Variants in WDR64 observed in about 807,000 individuals in gnomAD.
WDR64 encodes WD repeat-containing protein 64.
WDR64 carries 112 observed loss-of-function variants against 139.3 expected under a neutral mutation model. That is an observed-to-expected ratio of 0.80 (90% CI 0.69 to 0.94). WDR64 has a LOEUF of 0.94. Among genes scored for constraint, WDR64 ranks in the 40% least tolerant of loss-of-function variants. The probability of loss-of-function intolerance (pLI) is 0.00; values close to 1 mark genes in which losing one functional copy is unlikely to be tolerated. For missense variants in WDR64, 1,206 were observed against 1,293.1 expected (o/e 0.93, Z 1.03); for synonymous variants, 444 against 437.7 (o/e 1.01, Z -0.18).
chr1:241,800,954 C>T (rs572980336), intron 27 of WDR64, among the ~76,000 whole-genome samples, 178 bp from the exon 28 acceptor site: 4 of 152,106 alleles, frequency 2.6e-5, no homozygotes, highest in Non-Finnish European at 5.9e-5. Context: ...GGAGCCCCAC[C>T]TCCTAATTTA....
rs375429305 is a variant in WDR64, at chr1:241,763,774, CTT to C, written c.1948-2441_1948-2440del. Among the ~76,000 whole-genome samples the C allele has an allele frequency of 3.1e-4, 47 of 152,232 alleles. No individual in the cohort carries two copies. The East Asian group carries it at 5.6e-3, about 18-fold the overall frequency. ...GCATGGAAATCCTCTCCCTAAAACT[CTT>C]TTATTTAGAAGCACTTTTTATTGAA... On this transcript the variant is annotated intron_variant, in intron 15 of 27. Transcript: ENST00000437684.
At chr1:241,738,045 C>T (rs1250830244) in intron 10 of WDR64, among the ~76,000 whole-genome samples, 1 of 152,178 alleles carries the variant, frequency 6.6e-6, no homozygotes, top group African/African-American at 2.4e-5. Flanking sequence ...AACAGTAAGT[C>T]ATGATCTTTT....
intron 14 of WDR64, 116 bp from the exon 15 acceptor site, chr1:241,757,167 T>G: frequency 1.1e-6 from 1 of 928,748 alleles, no homozygotes. Context: ...GGGCTGAAGA[T>G]TTGGTAAAGC....
At chr1:241,756,536 G>C (rs1670199475) in intron 14 of WDR64, among the ~76,000 whole-genome samples, 1 of 151,972 alleles carries the variant, frequency 6.6e-6, no homozygotes, top group South Asian at 2.1e-4. Flanking sequence ...CTATTTGAAA[G>C]GGTATTAAAA....
At chr1:241,782,100 C>T (rs1221681550) in intron 22 of WDR64, among the ~76,000 whole-genome samples, 2 of 152,180 alleles carry the variant, frequency 1.3e-5, no homozygotes, top group Non-Finnish European at 2.9e-5. Context: ...TCCTGGCCAA[C>T]ATGGTGAAAC....
At chr1:241,771,951 T>TATAC (rs1658466110) in intron 19 of WDR64, among the ~76,000 whole-genome samples, 1 of 45,208 alleles carries the variant, frequency 2.2e-5, no homozygotes, top group Non-Finnish European at 4.8e-5. Flanking sequence ...CATACATATA[T>TATAC]ATATATATAT....
At chr1:241,728,387 T>C (rs1668935474) in intron 10 of WDR64, among the ~76,000 whole-genome samples, 1 of 148,452 alleles carries the variant, frequency 6.7e-6, no homozygotes, top group African/African-American at 2.5e-5. Flanking sequence ...GTTTTTGGTT[T>C]TTTTATTGAA....
At chr1:241,717,268 C>T (rs1305490696) in intron 9 of WDR64, among the ~76,000 whole-genome samples, 4 of 152,152 alleles carry the variant, frequency 2.6e-5, no homozygotes, top group African/African-American at 9.7e-5. Flanking sequence ...CCCTCCGGAG[C>T]ACATAATCAT....
chr1:241,715,644 T>C (rs1668374972), intron 9 of WDR64, among the ~76,000 whole-genome samples: 1 of 152,164 alleles, frequency 6.6e-6, no homozygotes, highest in Non-Finnish European at 1.5e-5. Flanking sequence ...AGTACGTAAA[T>C]ATATGGCTAA....
intron 13 of WDR64, among the ~76,000 whole-genome samples, chr1:241,748,228 CTT>C (rs1167808412): frequency 2.0e-5 from 3 of 152,218 alleles, no homozygotes; most frequent in Non-Finnish European, 4.4e-5. Context: ...TTCTCTACCT[CTT>C]GAGGGGAGAT....
rs185601895 is a variant in WDR64, at chr1:241,772,696, C to T, written c.2291-96C>T. The T allele has an allele frequency of 9.5e-4, 1,236 of 1,305,302 alleles. 12 individuals are homozygous for T. The African/African-American group carries it at 0.017, about 18-fold the overall frequency. The allele number at this position is 1,305,302 out of a possible 1,614,324, so 80.9% of individuals were successfully genotyped here. On this transcript the variant is annotated intron_variant, in intron 19 of 27. Transcript: ENST00000437684. Reference sequence around the variant, plus strand: ...CAGGCTGATCTGGAACTCCTGACCTCAAGTGATCCACCTGCCTTGGCCTCC... The same window carrying T: ...CAGGCTGATCTGGAACTCCTGACCTTAAGTGATCCACCTGCCTTGGCCTCC...
At chr1:241,701,282 A>G (rs912023856) in intron 8 of WDR64, among the ~76,000 whole-genome samples, 1 of 151,378 alleles carries the variant, frequency 6.6e-6, no homozygotes, top group Non-Finnish European at 1.5e-5. Context: ...ATGCGCGCAC[A>G]CACACACACA....
chr1:241,728,305 C>G (rs776696084), intron 10 of WDR64, among the ~76,000 whole-genome samples: 8 of 151,856 alleles, frequency 5.3e-5, no homozygotes, highest in Non-Finnish European at 1.0e-4. Flanking sequence ...TGCACTCCAG[C>G]CTGGGCAATA....
intron 27 of WDR64, 144 bp from the exon 28 acceptor site, chr1:241,800,988 A>G (rs1659506525): frequency 1.6e-6 from 1 of 634,596 alleles, no homozygotes; most frequent in Non-Finnish European, 2.7e-6. Context: ...CTGAAGTCAC[A>G]TAGGATTGTT....
At chr1:241,732,832 A>AT (rs1204822563) in intron 10 of WDR64, among the ~76,000 whole-genome samples, 1 of 151,270 alleles carries the variant, frequency 6.6e-6, no homozygotes, top group Non-Finnish European at 1.5e-5. Context: ...AAAAAAACCA[A>AT]AAAAACAAAA....
At chr1:241,687,668 C>A in intron 8 of WDR64, 73 bp downstream of exon 8, 1 of 1,420,464 alleles carries the variant, frequency 7.0e-7, no homozygotes, top group Non-Finnish European at 9.5e-7. Context: ...ACCATGACAG[C>A]TTTGAAACTT....
intron 6 of WDR64, among the ~76,000 whole-genome samples, chr1:241,681,094 C>T (rs552215117): frequency 2.0e-5 from 3 of 152,174 alleles, no homozygotes; most frequent in African/African-American, 7.2e-5. Flanking sequence ...TCTTCTCTCT[C>T]TCTCTCTCTC....
chr1:241,712,211 C>T (rs1317726169), intron 9 of WDR64, among the ~76,000 whole-genome samples: 1 of 152,018 alleles, frequency 6.6e-6, no homozygotes, highest in Non-Finnish European at 1.5e-5. Context: ...GACCTGGAGC[C>T]CCCGGCACTT....
At chr1:241,777,255 TAG>T (rs1658686651) in intron 21 of WDR64, among the ~76,000 whole-genome samples, 1 of 151,928 alleles carries the variant, frequency 6.6e-6, no homozygotes, top group Non-Finnish European at 1.5e-5. Flanking sequence ...TTTTTTCCTG[TAG>T]AGACAGGTCT....
Sources: gnomAD v4.1 joint callset for allele counts (sites outside exome capture counted in the v4.1 genomes callset) on GRCh38, gnomAD v4.1.1 for gene constraint, MANE v1.5 for transcripts, NCBI Gene and HGNC (gene_info 2026-07-23, HGNC 2026-07-21) for gene names.